CYTH3: variants seen among roughly 807,000 people sequenced by gnomAD.
The protein encoded by CYTH3 is cytohesin 3, also known as cytohesin-3.
Under a neutral mutation model 55.1 loss-of-function variants are expected in CYTH3, and 23 were observed. The ratio of observed to expected loss-of-function variants is 0.42; its 90% CI spans 0.30 to 0.59. The LOEUF (loss-of-function observed/expected upper bound fraction) is 0.59, where lower values mean the gene tolerates loss of function less well. Ranked by LOEUF, CYTH3 falls within the 20% of genes least tolerant of loss-of-function variation. The pLI, the probability that CYTH3 is intolerant of heterozygous loss-of-function variation, is 0.20. For synonymous variants in CYTH3, 249 were observed against 194.9 expected (o/e 1.28, Z -2.31); for missense variants, 413 against 524.8 (o/e 0.79, Z 2.08).
intron 9 of CYTH3, among the ~76,000 whole-genome samples, chr7:6,168,850 G>A (rs1783087852): frequency 6.6e-6 from 1 of 152,230 alleles, no homozygotes; most frequent in South Asian, 2.1e-4. Context: ...TGGCGTCACT[G>A]TCCCTCGAGG....
chr7:6,165,829 C>T lies in CYTH3; in HGVS notation c.824-19G>A, dbSNP rs111477148. ...CGCCCTCCTAGAAGCAGAAGGGCCC[C>T]GTGAGTCTGCGCTCCGTGCACAGGG... is the stretch of plus-strand genomic sequence containing the variant. On this transcript the variant is annotated intron_variant, in intron 9 of 12. Coordinates refer to ENST00000350796, the MANE Select transcript of CYTH3 (RefSeq NM_004227.4). 6.8e-6 allele frequency: 11 copies of T among 1,613,454 alleles called. No individual in the cohort carries two copies. Among genetic ancestry groups the T allele is most frequent in the African/African-American group, 6.7e-5 (5 of 74,994 alleles).
In CYTH3 at chr7:6,248,240, C is replaced by G. The variant is rs548925057; in HGVS notation, c.34+24234G>C. 2.7e-5 allele frequency among the ~76,000 whole-genome samples: 4 copies of G among 150,162 alleles called. No homozygotes were observed. The East Asian group carries it at 5.8e-4, about 22-fold the overall frequency. ...TTAGACCCATCCTCCCCCAACCCCC[C>G]CCCAGCCAAAAAAAAAAAAAAGAAT... On this transcript the variant is annotated intron_variant, in intron 1 of 12. Coordinates refer to ENST00000350796, the MANE Select transcript of CYTH3 (RefSeq NM_004227.4).
intron 1 of CYTH3, among the ~76,000 whole-genome samples, chr7:6,191,883 C>T (rs947530990): frequency 1.3e-5 from 2 of 151,848 alleles, no homozygotes; most frequent in East Asian, 3.9e-4. Context: ...TCGAGACCAG[C>T]CTGGGCAATA....
chr7:6,260,664 G>A (rs118023551), intron 1 of CYTH3, among the ~76,000 whole-genome samples: 2,294 of 152,222 alleles, frequency 0.015, 42 homozygotes, highest in Non-Finnish European at 0.019. Flanking sequence ...ATTCAACACA[G>A]CTGATCGATC....
rs1040213013 is a variant in CYTH3, at chr7:6,189,148, G to A, written c.117+1301C>T. ...GCCCCAAACGGAAGGAGCCAGGGCC[G>A]GCCCTCTGAATCACTTCTGTAACAA... On this transcript the variant is annotated intron_variant, in intron 2 of 12. Coordinates refer to ENST00000350796, the MANE Select transcript of CYTH3 (RefSeq NM_004227.4). Among the ~76,000 whole-genome samples the A allele has an allele frequency of 7.2e-5, 11 of 152,092 alleles. 1 individual carries two copies. The highest frequency in any genetic ancestry group is 2.6e-4 in the Admixed American group (4 of 15,272).
At chr7:6,232,017 G>C (rs116755106) in intron 1 of CYTH3, among the ~76,000 whole-genome samples, 1 of 152,222 alleles carries the variant, frequency 6.6e-6, no homozygotes, top group African/African-American at 2.4e-5. Flanking sequence ...TTTTAAACTT[G>C]CCTCTTTTCC....
intron 4 of CYTH3, among the ~76,000 whole-genome samples, chr7:6,181,215 A>G (rs901583825): frequency 1.3e-5 from 2 of 152,092 alleles, no homozygotes; most frequent in African/African-American, 4.8e-5. Flanking sequence ...TTAAACAATA[A>G]ATTTCTCACT....
At chr7:6,222,068 G>C (rs1209585561) in intron 1 of CYTH3, among the ~76,000 whole-genome samples, 1 of 152,228 alleles carries the variant, frequency 6.6e-6, no homozygotes, top group Non-Finnish European at 1.5e-5. Context: ...CTGACCTCCA[G>C]TCATACAGGT....
Position 6,224,006 on chromosome 7 carries a change from T to C in CYTH3, c.35-33475A>G, listed in dbSNP as rs755438525. ...CTGCTTCCACATATATAATCCTTACTGATTCACAACTGTTATCCTATTCAC... is the reference window on the plus strand; with the variant it reads ...CTGCTTCCACATATATAATCCTTACCGATTCACAACTGTTATCCTATTCAC... On this transcript the variant is annotated intron_variant, in intron 1 of 12. Transcript: ENST00000350796. 4.6e-5 allele frequency among the ~76,000 whole-genome samples: 7 copies of C among 152,302 alleles called. No homozygotes were observed. In the South Asian group the frequency reaches 8.3e-4, roughly 18 times the overall value.
chr7:6,229,070 G>C (rs1307091493), intron 1 of CYTH3, among the ~76,000 whole-genome samples: 11 of 152,150 alleles, frequency 7.2e-5, no homozygotes, highest in African/African-American at 2.4e-4. Context: ...ATGTTTAACA[G>C]CTGTCTAGCA....
At chr7:6,244,222 G>C (rs1583191846) in intron 1 of CYTH3, among the ~76,000 whole-genome samples, 1 of 152,058 alleles carries the variant, frequency 6.6e-6, no homozygotes, top group Non-Finnish European at 1.5e-5. Flanking sequence ...AAACAGCCTG[G>C]GGGGAAAAAA....
At chr7:6,228,863 T>C (rs987796725) in intron 1 of CYTH3, among the ~76,000 whole-genome samples, 19 of 152,234 alleles carry the variant, frequency 1.2e-4, no homozygotes, top group African/African-American at 3.6e-4. Context: ...GGGAAAAATA[T>C]CTAATTTTGT....
Position 6,171,269 on chromosome 7 carries a change from A to C in CYTH3, c.495T>G (p.Ile165Met). 6.2e-7 allele frequency: 1 copy of C among 1,614,164 alleles called. No individual in the cohort carries two copies. Among genetic ancestry groups the C allele is most frequent in the Non-Finnish European group, 8.5e-7 (1 of 1,179,994 alleles). The change falls in exon 7 of 13, where the codon ATT becomes ATG. Residue 165 changes from isoleucine to methionine, a missense_variant. By Grantham distance (10) the Ile-to-Met change is conservative. This residue lies in a region of CYTH3 where 156 missense variants were observed against 233.1 expected (regional missense o/e 0.67). Transcript: ENST00000350796. This position sits in a 1 kb window ranked among gnomAD's most constrained non-coding sequence, Gnocchi z 6.7. Reference sequence around the variant, plus strand: ...AAGCGAAAGCCTCCATCATGCGATCAATCTTCTGCGCCTCCCCGGGCAGCC... The same window carrying C: ...AAGCGAAAGCCTCCATCATGCGATCCATCTTCTGCGCCTCCCCGGGCAGCC... ...SFRLPGEAQKIDRMMEAFASR... is the reference protein window; with the variant it reads ...SFRLPGEAQKMDRMMEAFASR...
intron 1 of CYTH3, among the ~76,000 whole-genome samples, chr7:6,236,277 C>G (rs1779520878): frequency 6.6e-6 from 1 of 151,442 alleles, no homozygotes; most frequent in Admixed American, 6.6e-5. Context: ...AATCTTGCTT[C>G]ACTGCAGCTT....
At chr7:6,196,882 A>G (rs1783947927) in intron 1 of CYTH3, among the ~76,000 whole-genome samples, 2 of 152,344 alleles carry the variant, frequency 1.3e-5, no homozygotes, top group African/African-American at 2.4e-5. Flanking sequence ...ACATTTACGA[A>G]AAGAATTTTC....
chr7:6,230,943 T>C (rs962256352), intron 1 of CYTH3, among the ~76,000 whole-genome samples: 16 of 152,348 alleles, frequency 1.1e-4, no homozygotes, highest in African/African-American at 3.8e-4. Context: ...GCCACTTTCA[T>C]CTTGAAATCA....
intron 1 of CYTH3, among the ~76,000 whole-genome samples, chr7:6,263,021 A>ACCAAG (rs1780392034): frequency 6.6e-6 from 1 of 152,102 alleles, no homozygotes; most frequent in African/African-American, 2.4e-5. Flanking sequence ...CAACACCACT[A>ACCAAG]CCAAGCCAGA....
chr7:6,240,292 C>CAAA (rs60884841), intron 1 of CYTH3, among the ~76,000 whole-genome samples: 52 of 60,382 alleles, frequency 8.6e-4, no homozygotes, highest in African/African-American at 1.4e-3. Context: ...GACTCCATCT[C>CAAA]AAAAAAAAAA....
At chr7:6,203,707 T>G (rs1265911900) in intron 1 of CYTH3, among the ~76,000 whole-genome samples, 1 of 151,934 alleles carries the variant, frequency 6.6e-6, no homozygotes, top group Non-Finnish European at 1.5e-5. Context: ...ACCAACTTAC[T>G]GTACTCATAT....
Sources: allele counts gnomAD v4.1 joint callset (sites outside exome capture counted in the v4.1 genomes callset), GRCh38; gene constraint gnomAD v4.1.1; regional missense constraint gnomAD v4.1.1; non-coding constraint Gnocchi (gnomAD v3.1); transcripts MANE v1.5; gene names NCBI Gene and HGNC (gene_info 2026-07-23, HGNC 2026-07-21).